The following THSD7A variants were observed in gnomAD, a reference collection of about 807,000 sequenced individuals.
THSD7A encodes thrombospondin type-1 domain-containing protein 7A.
In THSD7A, 96 loss-of-function variants were observed where a neutral mutation model predicts 231.3. That is an observed-to-expected ratio of 0.41 (90% CI 0.35 to 0.49). THSD7A has a LOEUF of 0.49. Ranked by LOEUF, THSD7A falls within the 20% of genes least tolerant of loss-of-function variation. The probability of loss-of-function intolerance (pLI) is 0.05; values close to 1 mark genes in which losing one functional copy is unlikely to be tolerated. For synonymous variants in THSD7A, 940 were observed against 743.3 expected (o/e 1.26, Z -4.30); for missense variants, 2,290 against 2,070.2 (o/e 1.11, Z -2.06).
intron 13 of THSD7A, among the ~76,000 whole-genome samples, chr7:11,431,805 A>G (rs529807553): frequency 2.9e-4 from 44 of 152,262 alleles, no homozygotes; most frequent in Non-Finnish European, 5.3e-4. Flanking sequence ...ATTCAGACAC[A>G]TGGAATTCAT....
intron 1 of THSD7A, among the ~76,000 whole-genome samples, chr7:11,816,228 G>A (rs968299369): frequency 6.6e-6 from 1 of 152,178 alleles, no homozygotes; most frequent in Admixed American, 6.6e-5. Flanking sequence ...TAGGTACTAA[G>A]TGCCTGCCAA....
intron 6 of THSD7A, among the ~76,000 whole-genome samples, chr7:11,500,967 A>T (rs1166936243): frequency 6.6e-6 from 1 of 151,420 alleles, no homozygotes; most frequent in Non-Finnish European, 1.5e-5. Flanking sequence ...GAAAAAAAGG[A>T]GTTGCAATCC....
At chr7:11,475,623 T>C (rs923528460) in intron 7 of THSD7A, among the ~76,000 whole-genome samples, 9 of 148,492 alleles carry the variant, frequency 6.1e-5, no homozygotes, top group African/African-American at 2.0e-4. Context: ...ATAACATATA[T>C]ATAACATATA....
At chr7:11,629,258 T>G (rs1255061896) in intron 2 of THSD7A, among the ~76,000 whole-genome samples, 2 of 152,118 alleles carry the variant, frequency 1.3e-5, no homozygotes, top group Non-Finnish European at 2.9e-5. Flanking sequence ...AGTGGACCTC[T>G]AAGGTCAAAC....
At chr7:11,618,942 T>G (rs1484768396) in intron 2 of THSD7A, among the ~76,000 whole-genome samples, 1 of 152,038 alleles carries the variant, frequency 6.6e-6, no homozygotes, top group African/African-American at 2.4e-5. Context: ...GTGGCTTTTA[T>G]TTTTTCTTTA....
At chr7:11,763,081 C>T (rs148765018) in intron 1 of THSD7A, among the ~76,000 whole-genome samples, 12 of 152,258 alleles carry the variant, frequency 7.9e-5, no homozygotes, top group Non-Finnish European at 1.8e-4. Flanking sequence ...GTCCCTATCA[C>T]TGACCAGAAA....
At chr7:11,376,024 T>G in intron 27 of THSD7A, 146 bp from the exon 28 acceptor site, 1 of 676,292 alleles carries the variant, frequency 1.5e-6, no homozygotes, top group Non-Finnish European at 2.5e-6. Flanking sequence ...ACCTTAGAAT[T>G]TGATTTTCTG....
chr7:11,577,630 T>C (rs969511305), intron 4 of THSD7A, among the ~76,000 whole-genome samples: 2 of 151,060 alleles, frequency 1.3e-5, no homozygotes, highest in Admixed American at 1.3e-4. Flanking sequence ...AAACCCTATG[T>C]TTTTATGTAT....
chr7:11,668,744 C>T (rs147300195), intron 1 of THSD7A, among the ~76,000 whole-genome samples: 3 of 152,164 alleles, frequency 2.0e-5, no homozygotes, highest in East Asian at 1.9e-4. Context: ...TAAGGAACGG[C>T]GGGAGCACAG....
chr7:11,427,360 G>C (rs571942085), intron 14 of THSD7A, among the ~76,000 whole-genome samples: 2 of 152,028 alleles, frequency 1.3e-5, no homozygotes, highest in African/African-American at 4.8e-5. Flanking sequence ...TTTTAGCTTT[G>C]ATTTTTCAGT....
intron 1 of THSD7A, among the ~76,000 whole-genome samples, chr7:11,755,482 C>T (rs112351149): frequency 0.016 from 2,467 of 152,014 alleles, 52 homozygotes; most frequent in African/African-American, 0.056. Context: ...TTATGAAAGC[C>T]AAAAGGGAAG....
At chr7:11,615,896 GATA>G (rs1481534768) in intron 2 of THSD7A, among the ~76,000 whole-genome samples, 1 of 151,996 alleles carries the variant, frequency 6.6e-6, no homozygotes, top group Non-Finnish European at 1.5e-5. Context: ...CTCAGATTTA[GATA>G]ATATTTATTT....
intron 23 of THSD7A, among the ~76,000 whole-genome samples, chr7:11,398,401 G>A (rs569586378): frequency 1.3e-5 from 2 of 152,178 alleles, no homozygotes; most frequent in East Asian, 1.9e-4. Flanking sequence ...TAGGGGCTAG[G>A]GGAGGGATAG....
intron 22 of THSD7A, among the ~76,000 whole-genome samples, chr7:11,403,386 C>T (rs1281659259): frequency 6.6e-6 from 1 of 151,934 alleles, no homozygotes; most frequent in Non-Finnish European, 1.5e-5. Flanking sequence ...AATTGGTACT[C>T]CTGAAGTACA....
rs563978398 is a variant in THSD7A, at chr7:11,634,333, A to G, written c.1022+1797T>C. The stretch of plus-strand genomic sequence containing the variant: ...GGATGAGAATATTAGGCTCTATGCA[A>G]TGGTAGCTACTAACCTAATTACACT... On this transcript the variant is annotated intron_variant, in intron 2 of 27. Coordinates refer to ENST00000423059, the MANE Select transcript of THSD7A (RefSeq NM_015204.3). The surrounding 1 kb of genome is among the most constrained non-coding windows in gnomAD (Gnocchi z 4.1). Among the ~76,000 whole-genome samples, 31 of 152,256 alleles carry G rather than the reference A, an allele frequency of 2.0e-4. No individual in the cohort carries two copies. Among genetic ancestry groups the G allele is most frequent in the Non-Finnish European group, 4.0e-4 (27 of 68,000 alleles).
chr7:11,613,220 C>T (rs1213515155), intron 2 of THSD7A, among the ~76,000 whole-genome samples: 3 of 152,156 alleles, frequency 2.0e-5, no homozygotes, highest in African/African-American at 7.2e-5. Context: ...ATTGCAATAC[C>T]TTGCTTTTCC....
chr7:11,811,797 T>C (rs17165240), intron 1 of THSD7A, among the ~76,000 whole-genome samples: 27,094 of 152,176 alleles, frequency 0.18, 2,600 homozygotes, highest in South Asian at 0.33. Context: ...CTTGCAGGTT[T>C]TCACTTGGAT....
At chr7:11,787,928 A>C (rs949635499) in intron 1 of THSD7A, among the ~76,000 whole-genome samples, 1 of 152,062 alleles carries the variant, frequency 6.6e-6, no homozygotes, top group Non-Finnish European at 1.5e-5. Context: ...AATTTCTCCA[A>C]ACCTGACCAC....
At chr7:11,729,723 C>G (rs1161539093) in intron 1 of THSD7A, among the ~76,000 whole-genome samples, 1 of 151,596 alleles carries the variant, frequency 6.6e-6, no homozygotes, top group East Asian at 2.0e-4. Flanking sequence ...TCATGGCCTT[C>G]TAATAGAATG....
Sources: gnomAD v4.1 joint callset for allele counts (sites outside exome capture counted in the v4.1 genomes callset) on GRCh38, gnomAD v4.1.1 for gene constraint, Gnocchi (gnomAD v3.1) non-coding constraint, MANE v1.5 for transcripts, NCBI Gene and HGNC (gene_info 2026-07-23, HGNC 2026-07-21) for gene names.